The following MSH6 variants were observed in gnomAD, a reference collection of about 807,000 sequenced individuals.
MSH6 encodes the protein mutS homolog 6.
MSH6 carries 85 observed loss-of-function variants against 119.1 expected under a neutral mutation model. That is an observed-to-expected ratio of 0.71 (90% CI 0.60 to 0.85). The LOEUF (loss-of-function observed/expected upper bound fraction) is 0.85, where lower values mean the gene tolerates loss of function less well. Among genes scored for constraint, MSH6 ranks in the 40% least tolerant of loss-of-function variants. MSH6 has a pLI of 0.00. For missense variants in MSH6, 2,163 were observed against 1,655.3 expected (o/e 1.31, Z -5.32); for synonymous variants, 830 against 586.9 (o/e 1.41, Z -5.99).
downstream of MSH6, chr2:47,808,937 T>A: frequency 2.5e-6 from 1 of 402,888 alleles, no homozygotes; most frequent in Non-Finnish European, 4.4e-6. Context: ...GCTCCAGTGA[T>A]CCTCCCACTT....
At position 47,790,949 on chromosome 2, in the gene MSH6, T is replaced by A; in HGVS notation, c.283T>A (p.Leu95Met). The part of the protein sequence containing the change: ...PTSCDFSPGD[L>M]VWAKMEGYPW... Reference sequence around the variant, plus strand: ...CAGTTGTGACTTCTCACCAGGAGATTTGGTTTGGGCCAAGATGGAGGGTTA... The same window carrying A: ...CAGTTGTGACTTCTCACCAGGAGATATGGTTTGGGCCAAGATGGAGGGTTA... The change falls in exon 2 of 10, where the codon TTG becomes ATG. Residue 95 changes from leucine (L) to methionine (M), a missense_variant. Transcript: ENST00000234420. 1 of 1,614,182 alleles carries A rather than the reference T, an allele frequency of 6.2e-7. No homozygotes were observed. The highest frequency in any genetic ancestry group is 8.5e-7 in the Non-Finnish European group (1 of 1,180,034).
rs752794296 is a variant in MSH6 at position 47,783,290 on chromosome 2, T to C, written c.57T>C (p.Asp19=). The C allele has an allele frequency of 1.2e-6, 2 of 1,612,074 alleles. No individual in the cohort carries two copies. The highest frequency in any genetic ancestry group is 1.3e-5 in the African/African-American group (1 of 74,764). ...SFFPKSPALS[D]ANKASARASR... ...TCCCCAAGTCTCCGGCGCTGAGTGA[T>C]GCCAACAAGGCCTCGGCCAGGGCCT... is the stretch of plus-strand genomic sequence containing the variant. The change falls in exon 1 of 10, where the codon GAT becomes GAC. Residue 19 remains aspartate (D), a synonymous_variant. Coordinates refer to ENST00000234420, the MANE Select transcript of MSH6 (RefSeq NM_000179.3).
chr2:47,801,087 G>A lies in MSH6; in HGVS notation c.3104G>A (p.Arg1035Gln), dbSNP rs730881801. 3.9e-5 allele frequency: 63 copies of A among 1,611,246 alleles called. No homozygotes were observed. The highest frequency in any genetic ancestry group is 6.7e-5 in the African/African-American group (5 of 74,802). The change falls in exon 4 of 10, where the codon CGA becomes CAA. Residue 1035 changes from arginine to glutamine, a missense_variant. By Grantham distance (43) the Arg-to-Gln change is conservative (BLOSUM62 1). Coordinates refer to ENST00000234420, the MANE Select transcript of MSH6 (RefSeq NM_000179.3). ...GTATCATTGAAGGACTGCATGCGGC[G>A]ACTGTTCTATAACTTTGATAAAAAT... ...RDVSLKDCMR[R>Q]LFYNFDKNYK...
Position 47,800,697 on chromosome 2 carries a change from T to A in MSH6, c.2714T>A (p.Leu905Ter), listed in dbSNP as rs587779245. The A allele has an allele frequency of 6.2e-7, 1 of 1,614,192 alleles. No homozygotes were observed. Among genetic ancestry groups the A allele is most frequent in the Non-Finnish European group, 8.5e-7 (1 of 1,180,040 alleles). ...AATCCTGAAGGTCGTTTTCCTGATT[T>A]GACTGTAGAATTGAACCGATGGGAT... ...TKNPEGRFPD[L>*]TVELNRWDTA... Residue 905 changes from leucine (L) to a stop codon, truncating the protein, a stop_gained, in exon 4 of 10, where the codon TTG (leucine) becomes TAG (stop). Coordinates refer to ENST00000234420, the MANE Select transcript of MSH6 (RefSeq NM_000179.3). LOFTEE classifies it high-confidence loss of function.
intron 1 of MSH6, among the ~76,000 whole-genome samples, chr2:47,790,369 AG>A (rs762953465): frequency 5.9e-5 from 9 of 152,236 alleles, no homozygotes; most frequent in Non-Finnish European, 1.2e-4. Flanking sequence ...TTACGCCCTC[AG>A]TTGTTGACTT....
rs1324211895 is a variant in MSH6 at position 47,798,873 on chromosome 2, C to T, written c.890C>T (p.Ala297Val). 11 of 1,614,124 alleles carry T rather than the reference C, an allele frequency of 6.8e-6. No individual in the cohort carries two copies. The highest frequency in any genetic ancestry group is 2.2e-5 in the South Asian group (2 of 91,078). The change falls in exon 4 of 10, where the codon GCT becomes GTT. Residue 297 changes from alanine to valine, a missense_variant. Ala to Val is a moderately conservative substitution (Grantham distance 64). Transcript: ENST00000234420. ...SEGLNSPVKV[A>V]RKRKRMVTGN... Reference sequence around the variant, plus strand: ...GGCCTGAACAGCCCTGTCAAAGTTGCTCGAAAGCGGAAGAGAATGGTGACT... The same window carrying T: ...GGCCTGAACAGCCCTGTCAAAGTTGTTCGAAAGCGGAAGAGAATGGTGACT...
At chr2:47,804,489 A>G (rs935442143) in intron 5 of MSH6, among the ~76,000 whole-genome samples, 2 of 151,718 alleles carry the variant, frequency 1.3e-5, no homozygotes, top group African/African-American at 4.8e-5. Context: ...GTGATTTCCA[A>G]ACTTTTTCTT....
rs267608102 is a variant in MSH6 at position 47,805,601 on chromosome 2, ATTTTT to A, written c.3557-8_3557-4del. 1.9e-6 allele frequency: 2 copies of A among 1,026,420 alleles called. No homozygotes were observed. The highest frequency in any genetic ancestry group is 2.6e-5 in the Admixed American group (1 of 38,130). 63.6% of individuals were successfully genotyped at this position (1,026,420 alleles called of 1,614,324 possible). On this transcript the variant is annotated splice_polypyrimidine_tract_variant and intron_variant, in intron 6 of 9. Coordinates refer to ENST00000234420, the MANE Select transcript of MSH6 (RefSeq NM_000179.3). Reference sequence around the variant, plus strand: ...TTTGCAAAATGAGTATTCATTTGTGATTTTTTTTTTTTTAAGGTGAAAGTACATTT... The same window carrying A: ...TTTGCAAAATGAGTATTCATTTGTGATTTTTTTTAAGGTGAAAGTACATTT...
chr2:47,783,264 T>C lies in MSH6; in HGVS notation c.31T>C (p.Phe11Leu). The change falls in exon 1 of 10, where the codon TTC becomes CTC. Residue 11 changes from phenylalanine (F) to leucine (L), a missense_variant. Phe to Leu is a conservative substitution (Grantham distance 22, BLOSUM62 0). Coordinates refer to ENST00000234420, the MANE Select transcript of MSH6 (RefSeq NM_000179.3). ...GCGACAGAGCACCCTGTACAGCTTCTTCCCCAAGTCTCCGGCGCTGAGTGA... is the reference window on the plus strand; with the variant it reads ...GCGACAGAGCACCCTGTACAGCTTCCTCCCCAAGTCTCCGGCGCTGAGTGA... The part of the protein sequence containing the change: MSRQSTLYSF[F>L]PKSPALSDAN... The C allele has an allele frequency of 6.2e-7, 1 of 1,612,156 alleles. No individual in the cohort carries two copies. The highest frequency in any genetic ancestry group is 1.3e-5 in the African/African-American group (1 of 74,892).
chr2:47,805,378 A>G (rs1238720213), intron 6 of MSH6, among the ~76,000 whole-genome samples: 2 of 152,092 alleles, frequency 1.3e-5, no homozygotes, highest in Non-Finnish European at 2.9e-5. Flanking sequence ...GCGGGGTTTC[A>G]CCATGTTAGG....
downstream of MSH6, chr2:47,810,033 C>T: frequency 2.0e-6 from 1 of 492,740 alleles, no homozygotes; most frequent in Non-Finnish European, 3.6e-6. Flanking sequence ...GGAATTGAAT[C>T]TATCTGTATT....
rs372352774 is a variant in MSH6, at chr2:47,791,039, A to G, written c.373A>G (p.Lys125Glu). ...FDGTFIREKG[K>E]SVRVHVQFFD... ...TGGAACATTCATCCGCGAGAAAGGG[A>G]AATCAGTCCGTGTTCATGTACAGTT... The change falls in exon 2 of 10, where the codon AAA becomes GAA. Residue 125 changes from lysine to glutamate, a missense_variant. Physicochemically the swap from Lys to Glu is moderately conservative, Grantham distance 56. Transcript: ENST00000234420. The G allele has an allele frequency of 2.5e-6, 4 of 1,614,110 alleles. No homozygotes were observed. In the African/African-American group the frequency reaches 5.3e-5, roughly 22 times the overall value.
intron 3 of MSH6, 79 bp downstream of exon 3, chr2:47,796,142 A>G: frequency 7.0e-7 from 1 of 1,431,308 alleles, no homozygotes; most frequent in South Asian, 1.2e-5. Flanking sequence ...TTAACAAGAT[A>G]CCTTGTTTTA....
downstream of MSH6, chr2:47,807,137 C>A: frequency 2.5e-6 from 1 of 402,396 alleles, no homozygotes; most frequent in Non-Finnish European, 4.5e-6. Flanking sequence ...AGCTATGAAA[C>A]TGTATAGGGC....
rs1572722687 is a variant in MSH6, at chr2:47,799,336, C to G, written c.1353C>G (p.Phe451Leu). Residue 451 changes from phenylalanine to leucine, a missense_variant, in exon 4 of 10, where the codon TTC (phenylalanine) becomes TTG (leucine). By Grantham distance (22) the Phe-to-Leu change is conservative. Coordinates refer to ENST00000234420, the MANE Select transcript of MSH6 (RefSeq NM_000179.3). ...GAGTCAGTGAACTGGGGCTGGTATT[C>G]ATGAAAGGCAACTGGGCCCATTCTG... ...LIGVSELGLV[F>L]MKGNWAHSGF... The G allele has an allele frequency of 6.2e-7, 1 of 1,613,982 alleles. No individual in the cohort carries two copies. The highest frequency in any genetic ancestry group is 8.5e-7 in the Non-Finnish European group (1 of 1,180,018).
intron 2 of MSH6, 21 bp downstream of exon 2, chr2:47,791,144 GTGTGTGTGTT>G: frequency 6.3e-7 from 1 of 1,594,924 alleles, no homozygotes; most frequent in Non-Finnish European, 8.6e-7. Context: ...CTACTGCCAT[GTGTGTGTGTT>G]TGTGTGTGTG....
At chr2:47,783,870 G>C in intron 1 of MSH6, 1 of 1,002,016 alleles carries the variant, frequency 1.0e-6, no homozygotes, top group African/African-American at 1.8e-5. Context: ...GGGGCGAGAA[G>C]GGGAAGGCGC....
chr2:47,790,853 T>G (rs1668677984), intron 1 of MSH6, 74 bp from the exon 2 acceptor site: 4 of 1,335,232 alleles, frequency 3.0e-6, no homozygotes, highest in Non-Finnish European at 3.2e-6. Flanking sequence ...TTGGAATTGT[T>G]TATTTGTAGG....
chr2:47,804,095 A>C (rs544214615), intron 5 of MSH6, among the ~76,000 whole-genome samples: 1 of 152,128 alleles, frequency 6.6e-6, no homozygotes, highest in Admixed American at 6.5e-5. Context: ...ACCTCTAGCA[A>C]CTGTTGAAAA....
Sources: allele counts gnomAD v4.1 joint callset (sites outside exome capture counted in the v4.1 genomes callset), GRCh38; gene constraint gnomAD v4.1.1; transcripts MANE v1.5; gene names NCBI Gene and HGNC (gene_info 2026-07-23, HGNC 2026-07-21).